Variants in GRM7 observed in about 807,000 individuals in gnomAD.
GRM7 encodes the protein metabotropic glutamate receptor 7.
Under a neutral mutation model 84.5 loss-of-function variants are expected in GRM7, and 35 were observed. The observed-to-expected ratio is 0.41, with a 90% CI of 0.32 to 0.55. The LOEUF (loss-of-function observed/expected upper bound fraction) is 0.55. Ranked by LOEUF, GRM7 falls within the 20% of genes least tolerant of loss-of-function variation. GRM7 has a pLI of 0.19. For missense variants in GRM7, 1,003 were observed against 1,194.6 expected (o/e 0.84, Z 2.36); for synonymous variants, 487 against 455.1 (o/e 1.07, Z -0.89).
At chr3:7,405,274 A>C in intron 4 of GRM7, among the ~76,000 whole-genome samples, 1 of 152,222 alleles carries the variant, frequency 6.6e-6, no homozygotes, top group East Asian at 1.9e-4. Flanking sequence ...TAGCTTTTTA[A>C]AGCACCAAGC....
chr3:6,867,519 G>C (rs1030538112), intron 1 of GRM7, among the ~76,000 whole-genome samples: 6 of 152,184 alleles, frequency 3.9e-5, no homozygotes, highest in Admixed American at 2.6e-4. Context: ...ATCTTTTGTT[G>C]ATATCCCCAG....
chr3:7,608,878 A>G lies in GRM7; in HGVS notation c.2451+29521A>G, dbSNP rs556364571. Among the ~76,000 whole-genome samples, 3 of 152,114 alleles carry G rather than the reference A, an allele frequency of 2.0e-5. No homozygotes were observed. The East Asian group carries it at 5.8e-4, about 29-fold the overall frequency. ...ACATTTAAGTCATTAATCTATCTTG[A>G]GTTGATTTTTCTGTATGATGTAAGA... On this transcript the variant is annotated intron_variant, in intron 8 of 9. Coordinates refer to ENST00000357716, the MANE Select transcript of GRM7 (RefSeq NM_000844.4).
chr3:7,143,267 A>G (rs903737770), intron 1 of GRM7, among the ~76,000 whole-genome samples: 4 of 152,198 alleles, frequency 2.6e-5, no homozygotes, highest in African/African-American at 7.2e-5. Context: ...GTAACTAAAC[A>G]TGAAGCATAA....
intron 8 of GRM7, 95 bp from the exon 9 acceptor site, chr3:7,679,954 C>A: frequency 8.6e-7 from 1 of 1,163,020 alleles, no homozygotes; most frequent in Non-Finnish European, 1.2e-6. Context: ...TGCTTTATCT[C>A]CTAGCCATAG....
intron 2 of GRM7, among the ~76,000 whole-genome samples, chr3:7,211,104 A>G (rs1017825270): frequency 6.6e-6 from 1 of 152,196 alleles, no homozygotes; most frequent in Non-Finnish European, 1.5e-5. Flanking sequence ...TCTTGACAGT[A>G]TGATATTTGG....
intron 7 of GRM7, among the ~76,000 whole-genome samples, chr3:7,550,308 C>T (rs867476606): frequency 6.9e-6 from 1 of 144,878 alleles, no homozygotes; most frequent in Non-Finnish European, 1.5e-5. Context: ...TCCCTCCTCC[C>T]TCCCTTCCTG....
intron 8 of GRM7, 114 bp from the exon 9 acceptor site, chr3:7,679,935 C>A: frequency 1.1e-6 from 1 of 907,298 alleles, no homozygotes; most frequent in Non-Finnish European, 1.7e-6. Context: ...ATCAAAATGC[C>A]CTGAAGATTG....
chr3:7,196,827 T>A (rs941455686), intron 2 of GRM7, among the ~76,000 whole-genome samples: 1 of 152,214 alleles, frequency 6.6e-6, no homozygotes, highest in African/African-American at 2.4e-5. Flanking sequence ...TAATTTGGAT[T>A]CTCCATGAAT....
intron 9 of GRM7, among the ~76,000 whole-genome samples, chr3:7,706,851 G>A (rs1701404424): frequency 6.6e-6 from 1 of 152,078 alleles, no homozygotes. Context: ...GGTATTTTTT[G>A]CATGACCAAC....
chr3:6,927,583 G>GA (rs924191806), intron 1 of GRM7, among the ~76,000 whole-genome samples: 110 of 151,994 alleles, frequency 7.2e-4, no homozygotes, highest in African/African-American at 2.6e-3. Context: ...GAAAAATTTA[G>GA]AAAAAAATAT....
At chr3:7,369,160 T>G (rs919467093) in intron 4 of GRM7, among the ~76,000 whole-genome samples, 5 of 152,106 alleles carry the variant, frequency 3.3e-5, no homozygotes, top group African/African-American at 4.8e-5. Context: ...GCTCAAGTGA[T>G]CCTCCTGACA....
chr3:6,945,161 A>G (rs1320537122), intron 1 of GRM7, among the ~76,000 whole-genome samples: 1 of 152,014 alleles, frequency 6.6e-6, no homozygotes, highest in Admixed American at 6.6e-5. Context: ...TGATGCACCC[A>G]TTAACTCGTC....
chr3:7,620,460 A>G (rs1266404371), intron 8 of GRM7, among the ~76,000 whole-genome samples: 1 of 152,192 alleles, frequency 6.6e-6, no homozygotes, highest in Non-Finnish European at 1.5e-5. Flanking sequence ...TATGACTTAT[A>G]GCCATAGCTA....
chr3:7,173,012 T>C (rs776083998), intron 2 of GRM7, among the ~76,000 whole-genome samples: 2 of 152,180 alleles, frequency 1.3e-5, no homozygotes, highest in Non-Finnish European at 2.9e-5. Flanking sequence ...ACTATATATG[T>C]GTATTTAACC....
chr3:7,186,318 C>T (rs1198827520), intron 2 of GRM7, among the ~76,000 whole-genome samples: 2 of 152,182 alleles, frequency 1.3e-5, no homozygotes, highest in Non-Finnish European at 2.9e-5. Flanking sequence ...GTTCTTCTTT[C>T]TTCTCCCCTT....
At chr3:7,013,667 T>G (rs1482044021) in intron 1 of GRM7, among the ~76,000 whole-genome samples, 1 of 152,172 alleles carries the variant, frequency 6.6e-6, no homozygotes, top group Admixed American at 6.5e-5. Flanking sequence ...TGTGAGTGCC[T>G]GCAGTCCCAG....
At chr3:7,631,911 C>T (rs957562882) in intron 8 of GRM7, among the ~76,000 whole-genome samples, 7 of 152,092 alleles carry the variant, frequency 4.6e-5, no homozygotes, top group African/African-American at 1.7e-4. Flanking sequence ...ACTAGGGAAA[C>T]AAGAAAATAG....
At chr3:7,400,941 T>G (rs1044795445) in intron 4 of GRM7, among the ~76,000 whole-genome samples, 7 of 152,112 alleles carry the variant, frequency 4.6e-5, no homozygotes, top group African/African-American at 1.7e-4. Context: ...ATATCATTCT[T>G]AGCCCAGTAT....
chr3:6,922,890 T>A (rs920883062), intron 1 of GRM7, among the ~76,000 whole-genome samples: 3 of 152,224 alleles, frequency 2.0e-5, no homozygotes, highest in Non-Finnish European at 4.4e-5. Flanking sequence ...GGATAAAGAA[T>A]GTTGAATAAG....
Sources: gnomAD v4.1 joint callset for allele counts (sites outside exome capture counted in the v4.1 genomes callset) on GRCh38, gnomAD v4.1.1 for gene constraint, MANE v1.5 for transcripts, NCBI Gene and HGNC (gene_info 2026-07-23, HGNC 2026-07-21) for gene names.